The following GRK4 variants were observed in gnomAD, a reference collection of about 807,000 sequenced individuals.
GRK4 encodes the protein G protein-coupled receptor kinase 2-like.
In GRK4, 73 loss-of-function variants were observed where a neutral mutation model predicts 77.9. That is an observed-to-expected ratio of 0.94 (90% CI 0.78 to 1.14). GRK4 has a LOEUF of 1.14. Among genes scored for constraint, GRK4 ranks in the 50% most tolerant of loss-of-function variants. The pLI is 0.00. For missense variants in GRK4, 729 were observed against 700.2 expected (o/e 1.04, Z -0.46); for synonymous variants, 257 against 254.4 (o/e 1.01, Z -0.10).
At chr4:3,019,552 C>G in intron 8 of GRK4, 89 bp from the exon 9 acceptor site, 4 of 1,082,274 alleles carry the variant, frequency 3.7e-6, no homozygotes, top group Non-Finnish European at 5.5e-6. Context: ...AAACCTAACA[C>G]AGATTATTTG....
At chr4:2,969,888 G>A (rs2109392460) in intron 1 of GRK4, among the ~76,000 whole-genome samples, 1 of 152,130 alleles carries the variant, frequency 6.6e-6, no homozygotes, top group South Asian at 2.1e-4. Context: ...TGTTGCCCAG[G>A]CTAGTCTGGA....
At chr4:3,020,722 TG>T (rs1305546257) in intron 9 of GRK4, among the ~76,000 whole-genome samples, 1 of 152,042 alleles carries the variant, frequency 6.6e-6, no homozygotes, top group Non-Finnish European at 1.5e-5. Context: ...CCCATATCCA[TG>T]GGTTCCATGT....
rs1481480122 is a variant in GRK4, at chr4:2,984,557, A to G, written c.97A>G (p.Ile33Val). Reference protein sequence around the residue: ...KSGRSKKWKEILTLPPVSQCS... With the variant: ...KSGRSKKWKEVLTLPPVSQCS... ...TGGTCGTAGTAAAAAATGGAAGGAG[A>G]TACTGACACTGCCTCCTGTCAGCCA... The change falls in exon 2 of 16, where the codon ATA (isoleucine) becomes GTA (valine). Residue 33 changes from isoleucine to valine, a missense_variant. Coordinates refer to ENST00000398052, the MANE Select transcript of GRK4 (RefSeq NM_182982.3). 13 of 1,613,326 alleles carry G rather than the reference A, an allele frequency of 8.1e-6. No individual in the cohort carries two copies. Among genetic ancestry groups the G allele is most frequent in the Non-Finnish European group, 1.1e-5 (13 of 1,179,596 alleles).
chr4:2,995,158 C>T (rs554334257), intron 4 of GRK4, among the ~76,000 whole-genome samples: 1 of 152,160 alleles, frequency 6.6e-6, no homozygotes, highest in African/African-American at 2.4e-5. Flanking sequence ...GTATATGTAC[C>T]CCATTTTCTT....
chr4:3,004,833 A>T (rs530910940), intron 5 of GRK4, among the ~76,000 whole-genome samples: 1 of 152,112 alleles, frequency 6.6e-6, no homozygotes, highest in South Asian at 2.1e-4. Context: ...AAGAAAATAC[A>T]TACATAAGTG....
chr4:2,976,402 T>C (rs1190030829), intron 1 of GRK4, among the ~76,000 whole-genome samples: 2 of 151,774 alleles, frequency 1.3e-5, no homozygotes, highest in Admixed American at 1.3e-4. Flanking sequence ...TGAGTAATTT[T>C]TTTTTTAGAG....
chr4:2,990,493 G>C, intron 3 of GRK4, among the ~76,000 whole-genome samples: 1 of 152,168 alleles, frequency 6.6e-6, no homozygotes, highest in African/African-American at 2.4e-5. Flanking sequence ...CTGACCTCAG[G>C]TGATCTGCCC....
At chr4:3,002,196 G>T (rs577368668) in intron 4 of GRK4, among the ~76,000 whole-genome samples, 1 of 152,036 alleles carries the variant, frequency 6.6e-6, no homozygotes, top group African/African-American at 2.4e-5. Context: ...TGCTGTTTGC[G>T]TGGGAAAACT....
At chr4:2,973,590 C>T (rs981482514) in intron 1 of GRK4, among the ~76,000 whole-genome samples, 10 of 152,284 alleles carry the variant, frequency 6.6e-5, no homozygotes, top group African/African-American at 1.7e-4. Context: ...TTGACTTACT[C>T]GCACCCCCAC....
rs1034574419 is a variant in GRK4 at position 3,030,644 on chromosome 4, G to A, written c.1269+1235G>A. Among the ~76,000 whole-genome samples the A allele has an allele frequency of 4.6e-5, 7 of 152,020 alleles. No individual in the cohort carries two copies. The East Asian group carries it at 7.7e-4, about 17-fold the overall frequency. On this transcript the variant is annotated intron_variant, in intron 12 of 15. Coordinates refer to ENST00000398052, the MANE Select transcript of GRK4 (RefSeq NM_182982.3). ...TGCCTGGAGGGGCGGCAGGCTCTAG[G>A]GGGTGAGAGGGGGTCGGCCTGCTGG...
At chr4:2,983,953 A>T (rs925756170) in intron 1 of GRK4, among the ~76,000 whole-genome samples, 1 of 152,040 alleles carries the variant, frequency 6.6e-6, no homozygotes, top group Non-Finnish European at 1.5e-5. Context: ...AAACCATCAG[A>T]TCTCATGAGA....
chr4:3,003,920 C>T (rs916878982), intron 4 of GRK4, among the ~76,000 whole-genome samples: 11 of 152,138 alleles, frequency 7.2e-5, no homozygotes, highest in Admixed American at 6.5e-4. Context: ...GACGGAGTTT[C>T]ACCATGTTGG....
chr4:2,964,152 C>G (rs749327248), intron 1 of GRK4, 30 bp downstream of exon 1: 2 of 1,559,854 alleles, frequency 1.3e-6, no homozygotes, highest in Admixed American at 1.9e-5. Context: ...CCCCGACCCC[C>G]CCCCCAGAGA....
chr4:3,037,548 C>A, intron 14 of GRK4, 37 bp downstream of exon 14: 1 of 1,572,108 alleles, frequency 6.4e-7, no homozygotes, highest in Non-Finnish European at 8.7e-7. Flanking sequence ...TACGTTAGTT[C>A]CAACAGTGAC....
chr4:3,020,138 G>C (rs1249308109), intron 9 of GRK4, among the ~76,000 whole-genome samples: 3 of 152,050 alleles, frequency 2.0e-5, no homozygotes, highest in Non-Finnish European at 4.4e-5. Context: ...CAAGTAGCTG[G>C]GACTACAGGC....
rs959871365 is a variant in GRK4 at position 2,992,181 on chromosome 4, A to C, written c.262-34A>C. The C allele has an allele frequency of 4.0e-6, 6 of 1,507,790 alleles. No individual in the cohort carries two copies. The African/African-American group carries it at 6.9e-5, about 17-fold the overall frequency. The allele number at this position is 1,507,790 out of a possible 1,614,324, so 93.4% of individuals were successfully genotyped here. A position where few individuals can be genotyped will look rare whatever the true frequency, so the allele number is the denominator to read the frequency against. ...GGTATGCACCACCACACCCAGCTTA[A>C]CTGTTCTTTCTTTTCTTCCATCTCT... On this transcript the variant is annotated intron_variant, in intron 3 of 15. Coordinates refer to ENST00000398052, the MANE Select transcript of GRK4 (RefSeq NM_182982.3).
chr4:2,964,545 C>G (rs1156268810), intron 1 of GRK4, among the ~76,000 whole-genome samples: 1 of 152,180 alleles, frequency 6.6e-6, no homozygotes, highest in Non-Finnish European at 1.5e-5. Flanking sequence ...CTGGGAACTA[C>G]TCTGGGCGAG....
At chr4:2,980,161 C>T (rs568655286) in intron 1 of GRK4, among the ~76,000 whole-genome samples, 1 of 152,208 alleles carries the variant, frequency 6.6e-6, no homozygotes, top group Non-Finnish European at 1.5e-5. Flanking sequence ...GTGCCTGGCA[C>T]ACTGGACATG....
intron 4 of GRK4, among the ~76,000 whole-genome samples, chr4:2,998,359 A>C (rs1402575926): frequency 6.6e-6 from 1 of 152,202 alleles, no homozygotes; most frequent in Non-Finnish European, 1.5e-5. Context: ...TCTGTTTAAA[A>C]AAAAAAAGAA....
Sources: allele counts gnomAD v4.1 joint callset (sites outside exome capture counted in the v4.1 genomes callset), GRCh38; gene constraint gnomAD v4.1.1; transcripts MANE v1.5; gene names NCBI Gene and HGNC (gene_info 2026-07-23, HGNC 2026-07-21).